Variants in PRDM16 observed in about 807,000 individuals in gnomAD.
The protein encoded by PRDM16 is histone-lysine N-methyltransferase PRDM16.
PRDM16 carries 23 observed loss-of-function variants against 110.6 expected under a neutral mutation model. The observed-to-expected ratio is 0.21, with a 90% CI of 0.15 to 0.29. The LOEUF is 0.29. PRDM16 is among the 10% of genes least tolerant of loss of function. The pLI, the probability that PRDM16 is intolerant of heterozygous loss-of-function variation, is 1.00. For synonymous variants in PRDM16, 799 were observed against 781.8 expected (o/e 1.02, Z -0.37); for missense variants, 1,615 against 1,794.3 (o/e 0.90, Z 1.81).
intron 3 of PRDM16, 21 bp from the exon 4 acceptor site, chr1:3,385,131 G>A (rs77356071): frequency 1.6e-5 from 25 of 1,612,860 alleles, no homozygotes; most frequent in Middle Eastern, 1.7e-4. Flanking sequence ...TCTGACTCCC[G>A]CTTCGCTTTC....
chr1:3,317,234 G>C (rs1641629775), intron 3 of PRDM16, among the ~76,000 whole-genome samples: 1 of 152,204 alleles, frequency 6.6e-6, no homozygotes, highest in African/African-American at 2.4e-5. Flanking sequence ...CATCTTTGCT[G>C]TCTGCTCCTA....
intron 1 of PRDM16, among the ~76,000 whole-genome samples, chr1:3,101,230 C>G (rs1001274968): frequency 2.0e-5 from 3 of 152,100 alleles, no homozygotes; most frequent in Non-Finnish European, 4.4e-5. Flanking sequence ...ACACTCTTCC[C>G]GAGAGATAGT....
At chr1:3,367,140 A>G (rs536348442) in intron 3 of PRDM16, among the ~76,000 whole-genome samples, 1 of 152,186 alleles carries the variant, frequency 6.6e-6, no homozygotes, top group East Asian at 1.9e-4. Context: ...GTGGTGTTGG[A>G]CCACTGTAAT....
intron 3 of PRDM16, among the ~76,000 whole-genome samples, chr1:3,303,990 A>G (rs1210798065): frequency 1.1e-4 from 15 of 140,300 alleles, no homozygotes; most frequent in African/African-American, 8.7e-5. Flanking sequence ...GCAGGAGGCC[A>G]TGGGCTCTTT....
intron 1 of PRDM16, among the ~76,000 whole-genome samples, chr1:3,158,086 G>A (rs1295136837): frequency 6.6e-6 from 1 of 152,208 alleles, no homozygotes; most frequent in Non-Finnish European, 1.5e-5. Flanking sequence ...CATATAGATA[G>A]ACACACATAA....
intron 3 of PRDM16, among the ~76,000 whole-genome samples, chr1:3,372,141 C>G (rs1642918068): frequency 1.3e-5 from 2 of 152,222 alleles, no homozygotes; most frequent in African/African-American, 4.8e-5. Context: ...AGATCATGCA[C>G]AAACCCCTCA....
At position 3,350,519 on chromosome 1, in the gene PRDM16, G is replaced by A. The variant is rs370344420; in HGVS notation, c.439-34633G>A. ...AATGTGTGTTAAGATCAAGGGCCCC[G>A]GGCTGATGTGGCCTCCCAGCAGCCT... is the stretch of plus-strand genomic sequence containing the variant. On this transcript the variant is annotated intron_variant, in intron 3 of 16. Transcript: ENST00000270722. This position sits in a 1 kb window ranked among gnomAD's most constrained non-coding sequence, Gnocchi z 7.1. Among the ~76,000 whole-genome samples the A allele has an allele frequency of 1.2e-4, 18 of 152,266 alleles. No individual in the cohort carries two copies. The East Asian group carries it at 1.6e-3, about 13-fold the overall frequency.
rs1640844061 is a variant in PRDM16 at position 3,286,358 on chromosome 1, G to A, written c.438+42221G>A. Among the ~76,000 whole-genome samples the A allele has an allele frequency of 2.0e-5, 3 of 152,348 alleles. No homozygotes were observed. The South Asian group carries it at 6.2e-4, about 32-fold the overall frequency. On this transcript the variant is annotated intron_variant, in intron 3 of 16. Transcript: ENST00000270722. ...GAGCACAGCGTCCCCACAGCCCGAA[G>A]GGCCGCCCCCTGCCTGGCAGAGCCC...
intron 3 of PRDM16, among the ~76,000 whole-genome samples, chr1:3,302,671 G>A (rs1269638032): frequency 6.6e-6 from 1 of 152,180 alleles, no homozygotes; most frequent in East Asian, 1.9e-4. Flanking sequence ...TCTGTGCCTG[G>A]GAACTGCAGA....
At chr1:3,230,637 C>A (rs536255352) in intron 2 of PRDM16, among the ~76,000 whole-genome samples, 2 of 152,230 alleles carry the variant, frequency 1.3e-5, no homozygotes, top group Non-Finnish European at 2.9e-5. Flanking sequence ...CACCTTTCCC[C>A]GTGGGAGGCT....
intron 1 of PRDM16, among the ~76,000 whole-genome samples, chr1:3,130,213 C>T (rs2100681676): frequency 6.6e-6 from 1 of 152,294 alleles, no homozygotes; most frequent in Admixed American, 6.5e-5. Context: ...GCAGGACCAG[C>T]CAGACCTGGA....
chr1:3,291,364 G>A (rs568543960), intron 3 of PRDM16, among the ~76,000 whole-genome samples: 4 of 152,310 alleles, frequency 2.6e-5, no homozygotes, highest in South Asian at 2.1e-4. Flanking sequence ...TTCTGCCCCT[G>A]TGTTGCTTCC....
chr1:3,258,203 G>A (rs1640089579), intron 3 of PRDM16, among the ~76,000 whole-genome samples: 1 of 152,138 alleles, frequency 6.6e-6, no homozygotes, highest in Non-Finnish European at 1.5e-5. Context: ...CTCCTGCGGT[G>A]GGCTTGGCTG....
intron 3 of PRDM16, among the ~76,000 whole-genome samples, chr1:3,332,162 A>G (rs926229179): frequency 6.6e-6 from 1 of 152,244 alleles, no homozygotes; most frequent in African/African-American, 2.4e-5. Context: ...CTTTCCTGAC[A>G]ATGCGCTCAC....
At chr1:3,122,603 T>C (rs977394477) in intron 1 of PRDM16, among the ~76,000 whole-genome samples, 2 of 152,160 alleles carry the variant, frequency 1.3e-5, no homozygotes, top group East Asian at 3.9e-4. Flanking sequence ...GAAAGGATCA[T>C]TATACGAGTG....
At chr1:3,249,981 C>T (rs1168162299) in intron 3 of PRDM16, among the ~76,000 whole-genome samples, 2 of 152,088 alleles carry the variant, frequency 1.3e-5, no homozygotes, top group Non-Finnish European at 2.9e-5. Flanking sequence ...GTAAGGCGGC[C>T]CAGGCAGCAG....
At chr1:3,207,745 C>G (rs914592143) in intron 2 of PRDM16, 6 of 152,276 alleles carry the variant, frequency 3.9e-5, no homozygotes, top group East Asian at 1.9e-4. Flanking sequence ...ATCCCCCTCT[C>G]TAGAGTCAGA....
chr1:3,129,334 CCTGCCTG>C (rs1413538579), intron 1 of PRDM16, among the ~76,000 whole-genome samples: 7 of 86,184 alleles, frequency 8.1e-5, no homozygotes. Context: ...GGGTGTGTGT[CCTGCCTG>C]GTTGTGTGTG....
In PRDM16 at chr1:3,181,354, ACACACGGTCTTACACAC is replaced by A. The variant is rs1557508842; in HGVS notation, c.38-4770_38-4754del. ...CACAAGCAGTCTTACACACGGTCTT[ACACACGGTCTTACACAC>A]GCAGTCTTACACACGGCCTTACGCA... On this transcript the variant is annotated intron_variant, in intron 1 of 16. Transcript: ENST00000270722. 5.6e-4 allele frequency among the ~76,000 whole-genome samples: 10 copies of A among 17,870 alleles called. 1 individual carries two copies. The highest frequency in any genetic ancestry group is 7.5e-4 in the Non-Finnish European group (3 of 4,016). The allele number at this position is 17,870 out of a possible 152,430, so 11.7% of individuals were successfully genotyped here.
Sources: gnomAD v4.1 joint callset for allele counts (sites outside exome capture counted in the v4.1 genomes callset) on GRCh38, gnomAD v4.1.1 for gene constraint, Gnocchi (gnomAD v3.1) non-coding constraint, MANE v1.5 for transcripts, NCBI Gene and HGNC (gene_info 2026-07-23, HGNC 2026-07-21) for gene names.